RYR2: variants seen among roughly 807,000 people sequenced by gnomAD.
RYR2 encodes cardiac muscle ryanodine receptor-calcium release channel.
A neutral mutation model predicts 601.1 loss-of-function variants in RYR2; 227 were observed. That is an observed-to-expected ratio of 0.38 (90% CI 0.34 to 0.42). The LOEUF (loss-of-function observed/expected upper bound fraction) is 0.42, where lower values mean the gene tolerates loss of function less well. Among genes scored for constraint, RYR2 ranks in the 10% least tolerant of loss-of-function variants. The pLI is 1.00. For missense variants in RYR2, 4,646 were observed against 6,156.5 expected (o/e 0.75, Z 8.21); for synonymous variants, 2,223 against 2,175.1 (o/e 1.02, Z -0.61).
chr1:237,771,015 C>G (rs530355643), intron 85 of RYR2, 128 bp downstream of exon 85: 421 of 503,996 alleles, frequency 8.4e-4, no homozygotes, highest in Non-Finnish European at 1.3e-3. Context: ...TAGAGCATGA[C>G]TCTGCATTGG....
intron 1 of RYR2, among the ~76,000 whole-genome samples, chr1:237,048,432 C>T (rs1256809941): frequency 1.3e-5 from 2 of 152,054 alleles, no homozygotes; most frequent in African/African-American, 4.8e-5. Flanking sequence ...GTCATCCTTC[C>T]TCCTGCAACA....
chr1:237,806,284 G>A lies in RYR2; in HGVS notation c.14298+1G>A, dbSNP rs371626708. The A allele has an allele frequency of 6.2e-7, 1 of 1,609,284 alleles. No individual in the cohort carries two copies. Among genetic ancestry groups the A allele is most frequent in the African/African-American group, 1.3e-5 (1 of 74,704 alleles). ...CTCAGTAACTCACAATGGCAAACAG[G>A]TAAACAGTTTATCTTTTTCCTCCCT... On this transcript the variant is annotated splice_donor_variant, in intron 99 of 104. Transcript: ENST00000366574. LOFTEE classifies it high-confidence loss of function.
intron 93 of RYR2, 92 bp downstream of exon 93, chr1:237,791,607 G>C (rs1194891659): frequency 1.4e-6 from 1 of 718,082 alleles, no homozygotes; most frequent in Non-Finnish European, 2.5e-6. Flanking sequence ...ACTACTGCTA[G>C]TGAACATGTC....
chr1:237,474,368 A>G (rs1250049023), intron 17 of RYR2, among the ~76,000 whole-genome samples: 4 of 151,578 alleles, frequency 2.6e-5, no homozygotes, highest in African/African-American at 9.7e-5. Context: ...AAACAGTTTC[A>G]GTTTTCCTGA....
At position 237,567,154 on chromosome 1, in the gene RYR2, G is replaced by T. The variant is rs1351206538; in HGVS notation, c.3423+379G>T. 2.0e-5 allele frequency among the ~76,000 whole-genome samples: 3 copies of T among 152,106 alleles called. No homozygotes were observed. The East Asian group carries it at 5.8e-4, about 29-fold the overall frequency. On this transcript the variant is annotated intron_variant, in intron 28 of 104. Transcript: ENST00000366574. ...TAATAGCTACAATGCTTAATGTAGT[G>T]TTGTTTATAATCACAAACGGTTTTC...
chr1:237,612,309 A>T (rs1677966304), intron 36 of RYR2, among the ~76,000 whole-genome samples: 1 of 152,152 alleles, frequency 6.6e-6, no homozygotes, highest in Non-Finnish European at 1.5e-5. Context: ...TGGGTACTAA[A>T]TTCCTTTTGG....
chr1:237,071,272 G>A (rs907406883), intron 1 of RYR2, among the ~76,000 whole-genome samples: 1 of 151,072 alleles, frequency 6.6e-6, no homozygotes, highest in Admixed American at 6.6e-5. Context: ...CCCCCAGGCT[G>A]GAGTGCAATG....
intron 25 of RYR2, among the ~76,000 whole-genome samples, chr1:237,534,363 G>T (rs962422270): frequency 1.3e-5 from 2 of 151,922 alleles, no homozygotes; most frequent in Non-Finnish European, 2.9e-5. Flanking sequence ...AGACAAATAT[G>T]CAATCACAGT....
chr1:237,433,604 C>G (rs1044432441), intron 12 of RYR2, among the ~76,000 whole-genome samples: 1 of 152,140 alleles, frequency 6.6e-6, no homozygotes, highest in Non-Finnish European at 1.5e-5. Flanking sequence ...CACATTTGAT[C>G]ATGGTCTCTG....
At chr1:237,673,649 C>T (rs1685148555) in intron 58 of RYR2, among the ~76,000 whole-genome samples, 1 of 152,104 alleles carries the variant, frequency 6.6e-6, no homozygotes, top group Non-Finnish European at 1.5e-5. Context: ...ATACAAATTC[C>T]ATATTTAAGA....
chr1:237,255,566 G>C (rs1469352715), intron 1 of RYR2, among the ~76,000 whole-genome samples: 3 of 152,110 alleles, frequency 2.0e-5, no homozygotes, highest in African/African-American at 7.2e-5. Flanking sequence ...TCTTTGCTTA[G>C]TATTTATCAA....
intron 41 of RYR2, among the ~76,000 whole-genome samples, chr1:237,629,491 A>G (rs1680031024): frequency 6.6e-6 from 1 of 152,138 alleles, no homozygotes; most frequent in South Asian, 2.1e-4. Context: ...AAAATGTAGA[A>G]TTCTGGAAGA....
chr1:237,331,716 A>G (rs9803820), intron 3 of RYR2, among the ~76,000 whole-genome samples: 3,160 of 148,120 alleles, frequency 0.021, 102 homozygotes, highest in African/African-American at 0.073. Context: ...GGGTTTCACC[A>G]TGTTGGCCAG....
chr1:237,193,060 T>C (rs268785), intron 1 of RYR2, among the ~76,000 whole-genome samples: 145,180 of 151,264 alleles, frequency 0.96, 69,821 homozygotes, highest in Non-Finnish European at 0.99. Context: ...TGGTGGCTCA[T>C]GCCTGTAATC....
chr1:237,074,098 CTTG>C (rs1187245491), intron 1 of RYR2, among the ~76,000 whole-genome samples: 35 of 151,962 alleles, frequency 2.3e-4, no homozygotes, highest in African/African-American at 8.5e-4. Context: ...AGAAGTATTG[CTTG>C]AGCCTAGGAG....
intron 12 of RYR2, among the ~76,000 whole-genome samples, chr1:237,433,384 C>T (rs1707028576): frequency 6.6e-6 from 1 of 151,674 alleles, no homozygotes; most frequent in Non-Finnish European, 1.5e-5. Context: ...GATTGGAAGC[C>T]CAATGACATA....
At chr1:237,758,808 T>G (rs1381479125) in intron 82 of RYR2, among the ~76,000 whole-genome samples, 1 of 152,236 alleles carries the variant, frequency 6.6e-6, no homozygotes, top group Admixed American at 6.5e-5. Flanking sequence ...ATTTGAAATC[T>G]CTAATAAATT....
At chr1:237,750,516 AATATTC>A (rs1450862521) in intron 80 of RYR2, among the ~76,000 whole-genome samples, 3 of 150,914 alleles carry the variant, frequency 2.0e-5, no homozygotes, top group Non-Finnish European at 3.0e-5. Context: ...TAATTTATAT[AATATTC>A]ATAAATTTCA....
At chr1:237,754,798 CTG>C (rs538879943) in intron 80 of RYR2, among the ~76,000 whole-genome samples, 102 of 152,290 alleles carry the variant, frequency 6.7e-4, no homozygotes, top group African/African-American at 2.1e-3. Context: ...TTTTCTGAAA[CTG>C]TGTTGTAATG....
Sources: gnomAD v4.1 joint callset for allele counts (sites outside exome capture counted in the v4.1 genomes callset) on GRCh38, gnomAD v4.1.1 for gene constraint, MANE v1.5 for transcripts, NCBI Gene and HGNC (gene_info 2026-07-23, HGNC 2026-07-21) for gene names.